Variants in SLC25A12 observed in about 807,000 individuals in gnomAD.
SLC25A12 encodes electrogenic aspartate/glutamate antiporter SLC25A12, mitochondrial.
SLC25A12 carries 32 observed loss-of-function variants against 83.3 expected under a neutral mutation model. The ratio of observed to expected loss-of-function variants is 0.38; its 90% confidence interval spans 0.29 to 0.52. The LOEUF is 0.52. Ranked by LOEUF, SLC25A12 falls within the 20% of genes least tolerant of loss-of-function variation. SLC25A12 has a pLI of 0.84. For missense variants in SLC25A12, 611 were observed against 835.6 expected (o/e 0.73, Z 3.31); for synonymous variants, 267 against 291.1 (o/e 0.92, Z 0.84).
chr2:171,884,685 G>C lies in SLC25A12; in HGVS notation c.66+8520C>G, dbSNP rs550008859. ...AGCTACTCAGGAGGCTGAGGCAGGA[G>C]AATTGCTTGAACCTGGGATGCAGTG... On this transcript the variant is annotated intron_variant, in intron 2 of 17. Transcript: ENST00000422440. 1.4e-4 allele frequency among the ~76,000 whole-genome samples: 22 copies of C among 151,912 alleles called. 3 individuals carry two copies. Among genetic ancestry groups the C allele is most frequent in the Admixed American group, 1.4e-3 (22 of 15,274 alleles).
intron 3 of SLC25A12, among the ~76,000 whole-genome samples, chr2:171,866,383 G>A (rs1241900392): frequency 7.0e-6 from 1 of 143,626 alleles, no homozygotes; most frequent in Admixed American, 6.8e-5. Context: ...CGGGCAGAGG[G>A]GCTCCTCACT....
intron 15 of SLC25A12, among the ~76,000 whole-genome samples, chr2:171,789,238 C>CA (rs1690546213): frequency 6.7e-6 from 1 of 149,336 alleles, no homozygotes; most frequent in Non-Finnish European, 1.5e-5. Context: ...GCCTGACTCT[C>CA]TTTTTTTTTT....
intron 15 of SLC25A12, among the ~76,000 whole-genome samples, chr2:171,789,191 T>A (rs1009462382): frequency 2.6e-5 from 4 of 152,006 alleles, no homozygotes; most frequent in African/African-American, 9.7e-5. Flanking sequence ...GATGGGAGGA[T>A]CACCTGAGGT....
intron 3 of SLC25A12, among the ~76,000 whole-genome samples, chr2:171,864,348 T>C (rs1558936467): frequency 6.6e-6 from 1 of 152,228 alleles, no homozygotes; most frequent in Non-Finnish European, 1.5e-5. Flanking sequence ...AATACAGCCA[T>C]ATATGATTTT....
intron 7 of SLC25A12, 94 bp from the exon 8 acceptor site, chr2:171,834,150 T>C (rs559051027): frequency 2.2e-4 from 162 of 733,432 alleles, no homozygotes; most frequent in Middle Eastern, 1.5e-3. Flanking sequence ...CTGAAAGCTA[T>C]AGGCATTTTA....
At chr2:171,852,627 A>G (rs780787689) in intron 4 of SLC25A12, 1 of 453,928 alleles carries the variant, frequency 2.2e-6, no homozygotes, top group South Asian at 1.6e-5. Context: ...ATACATAAGC[A>G]CAATTCATTT....
At chr2:171,863,300 C>A (rs952631014) in intron 3 of SLC25A12, among the ~76,000 whole-genome samples, 3 of 152,118 alleles carry the variant, frequency 2.0e-5, no homozygotes, top group Non-Finnish European at 2.9e-5. Context: ...CCGAGGCGGG[C>A]AGATCACAAG....
intron 2 of SLC25A12, among the ~76,000 whole-genome samples, chr2:171,891,724 TG>T (rs1420389247): frequency 6.6e-6 from 1 of 152,256 alleles, no homozygotes; most frequent in East Asian, 1.9e-4. Context: ...TATAATCACA[TG>T]GTATGGTGAA....
At chr2:171,866,154 T>TG (rs1157588693) in intron 3 of SLC25A12, among the ~76,000 whole-genome samples, 2 of 137,184 alleles carry the variant, frequency 1.5e-5, no homozygotes, top group Non-Finnish European at 3.1e-5. Flanking sequence ...AGCACAGGGT[T>TG]GGGGGTAAGG....
In SLC25A12 at chr2:171,837,287, A is replaced by G. The variant is rs1034120282; in HGVS notation, c.466-20T>C. The stretch of plus-strand genomic sequence containing the variant: ...CAGCTCCTGTGAGGAAATTAGAAAT[A>G]GGGCATTAAGCTGGTTAAACACATT... On this transcript the variant is annotated intron_variant, in intron 5 of 17. Coordinates refer to ENST00000422440, the MANE Select transcript of SLC25A12 (RefSeq NM_003705.5). The G allele has an allele frequency of 1.2e-6, 2 of 1,613,820 alleles. No individual in the cohort carries two copies. Among genetic ancestry groups the G allele is most frequent in the Non-Finnish European group, 8.5e-7 (1 of 1,179,788 alleles).
chr2:171,887,829 C>G (rs985218814), intron 2 of SLC25A12, among the ~76,000 whole-genome samples: 3 of 152,192 alleles, frequency 2.0e-5, no homozygotes, highest in African/African-American at 7.2e-5. Context: ...ATTTCATGAA[C>G]TTGGCAGAGT....
At chr2:171,818,079 T>C (rs975062946) in intron 9 of SLC25A12, among the ~76,000 whole-genome samples, 5 of 152,256 alleles carry the variant, frequency 3.3e-5, no homozygotes, top group African/African-American at 4.8e-5. Context: ...TTATCACTTA[T>C]GGCTCACTTG....
chr2:171,886,350 T>A (rs775188121), intron 2 of SLC25A12, among the ~76,000 whole-genome samples: 12 of 147,372 alleles, frequency 8.1e-5, no homozygotes, highest in Non-Finnish European at 1.6e-4. Context: ...CACCTCAGCC[T>A]CCCAAGTAAC....
At chr2:171,836,943 C>T (rs1207654117) in intron 6 of SLC25A12, among the ~76,000 whole-genome samples, 178 bp downstream of exon 6, 5 of 148,310 alleles carry the variant, frequency 3.4e-5, no homozygotes, top group African/African-American at 9.8e-5. Context: ...CATACATTCA[C>T]GTACACACAC....
intron 14 of SLC25A12, among the ~76,000 whole-genome samples, chr2:171,792,143 T>C (rs1683489592): frequency 6.6e-6 from 1 of 152,030 alleles, no homozygotes; most frequent in Non-Finnish European, 1.5e-5. Flanking sequence ...AGAAAATCAT[T>C]ACCCAGGGGC....
intron 3 of SLC25A12, among the ~76,000 whole-genome samples, chr2:171,858,281 A>G (rs200506196): frequency 6.6e-6 from 1 of 152,218 alleles, no homozygotes; most frequent in Non-Finnish European, 1.5e-5. Flanking sequence ...GTTAATTGAT[A>G]CAAGGATTTT....
rs77197121 is a variant in SLC25A12, at chr2:171,831,493, T to C, written c.845+2470A>G. Among the ~76,000 whole-genome samples, 568 of 152,322 alleles carry C rather than the reference T, an allele frequency of 3.7e-3. 2 individuals are homozygous for C. The highest frequency in any genetic ancestry group is 0.012 in the African/African-American group (519 of 41,572). On this transcript the variant is annotated intron_variant, in intron 8 of 17. Transcript: ENST00000422440. ...ATTTTATATGAGAAAGAATCTTGTATGGCAAATTCTTGTCCTAAAGTAGAA... is the reference window on the plus strand; with the variant it reads ...ATTTTATATGAGAAAGAATCTTGTACGGCAAATTCTTGTCCTAAAGTAGAA...
intron 2 of SLC25A12, among the ~76,000 whole-genome samples, chr2:171,875,910 CAAAAAA>C (rs34276775): frequency 3.0e-5 from 3 of 99,002 alleles, no homozygotes; most frequent in Non-Finnish European, 5.7e-5. Context: ...GACTCTGTCT[CAAAAAA>C]AAAAAAAAAA....
chr2:171,856,359 T>C (rs1685044963), intron 3 of SLC25A12, among the ~76,000 whole-genome samples: 1 of 152,174 alleles, frequency 6.6e-6, no homozygotes, highest in African/African-American at 2.4e-5. Context: ...TAGATGCCAA[T>C]AGCATCCCCA....
Sources: allele counts gnomAD v4.1 joint callset (sites outside exome capture counted in the v4.1 genomes callset), GRCh38; gene constraint gnomAD v4.1.1; transcripts MANE v1.5; gene names NCBI Gene and HGNC (gene_info 2026-07-23, HGNC 2026-07-21).